The following LSAMP variants were observed in gnomAD, a reference collection of about 807,000 sequenced individuals.
The protein encoded by LSAMP is limbic system-associated membrane protein.
LSAMP carries 7 observed loss-of-function variants against 38.6 expected under a neutral mutation model. The observed-to-expected ratio is 0.18, with a 90% CI of 0.10 to 0.34. The LOEUF is 0.34. Among genes scored for constraint, LSAMP ranks in the 10% least tolerant of loss-of-function variants. The probability of loss-of-function intolerance (pLI) is 1.00; values close to 1 mark genes in which losing one functional copy is unlikely to be tolerated. For missense variants in LSAMP, 313 were observed against 420.0 expected (o/e 0.75, Z 2.23); for synonymous variants, 154 against 166.8 (o/e 0.92, Z 0.59).
intron 1 of LSAMP, among the ~76,000 whole-genome samples, chr3:116,222,720 C>CT (rs71141863): frequency 0.013 from 645 of 49,928 alleles, 165 homozygotes; most frequent in Non-Finnish European, 0.018. Flanking sequence ...TCATCCTCTC[C>CT]TTTTTTTTTT....
At chr3:116,131,043 T>G (rs1402320106) in intron 1 of LSAMP, among the ~76,000 whole-genome samples, 1 of 142,964 alleles carries the variant, frequency 7.0e-6, no homozygotes, top group Non-Finnish European at 1.5e-5. Flanking sequence ...CAGGCTGGAG[T>G]GCAGTGGCAC....
At chr3:116,195,728 A>AC (rs1710868631) in intron 1 of LSAMP, among the ~76,000 whole-genome samples, 1 of 151,800 alleles carries the variant, frequency 6.6e-6, no homozygotes, top group South Asian at 2.1e-4. Flanking sequence ...GAAAAAAAAA[A>AC]AACATTTAAA....
intron 1 of LSAMP, among the ~76,000 whole-genome samples, chr3:116,142,692 C>T (rs1709396926): frequency 6.6e-6 from 1 of 152,002 alleles, no homozygotes; most frequent in African/African-American, 2.4e-5. Flanking sequence ...ATCCTCTCAT[C>T]ATTTTAGTCA....
chr3:116,249,245 C>G (rs74869991), intron 1 of LSAMP, among the ~76,000 whole-genome samples: 7,066 of 151,930 alleles, frequency 0.047, 516 homozygotes, highest in African/African-American at 0.16. Context: ...AAATAATATC[C>G]CCTAATTTCA....
chr3:116,184,099 T>A (rs1337823095), intron 1 of LSAMP, among the ~76,000 whole-genome samples: 1 of 151,870 alleles, frequency 6.6e-6, no homozygotes, highest in Admixed American at 6.6e-5. Flanking sequence ...GGGAGACTCA[T>A]TAAAAGACCA....
chr3:116,353,333 C>T (rs1375485076), intron 1 of LSAMP, among the ~76,000 whole-genome samples: 2 of 152,074 alleles, frequency 1.3e-5, no homozygotes, highest in Non-Finnish European at 2.9e-5. Flanking sequence ...TTAACTCTGG[C>T]TAGTTCTGCA....
At chr3:116,136,403 G>A (rs1375287315) in intron 1 of LSAMP, among the ~76,000 whole-genome samples, 8 of 152,008 alleles carry the variant, frequency 5.3e-5, no homozygotes, top group Non-Finnish European at 1.0e-4. Flanking sequence ...GTCAACCCAG[G>A]CATCATAAAA....
intron 2 of LSAMP, among the ~76,000 whole-genome samples, chr3:116,059,028 G>C (rs1026329508): frequency 3.3e-5 from 5 of 151,948 alleles, no homozygotes; most frequent in African/African-American, 1.2e-4. Flanking sequence ...ATAAAGGGCT[G>C]TGACACATTC....
intron 1 of LSAMP, among the ~76,000 whole-genome samples, chr3:116,285,830 C>A (rs1031993796): frequency 9.2e-5 from 14 of 152,032 alleles, no homozygotes; most frequent in Admixed American, 7.9e-4. Flanking sequence ...GTTGTAAAAC[C>A]CTTAAAAGGG....
intron 3 of LSAMP, among the ~76,000 whole-genome samples, chr3:115,991,302 T>A (rs912431371): frequency 6.6e-6 from 1 of 152,096 alleles, no homozygotes; most frequent in Non-Finnish European, 1.5e-5. Context: ...CTACAGTATG[T>A]AGATTTTACT....
chr3:116,399,890 AG>A (rs951095421), intron 1 of LSAMP, among the ~76,000 whole-genome samples: 2 of 152,182 alleles, frequency 1.3e-5, no homozygotes, highest in Non-Finnish European at 2.9e-5. Context: ...ACACAGCAAG[AG>A]ACTGTATTCA....
At chr3:115,859,279 A>G (rs184013372) in intron 3 of LSAMP, among the ~76,000 whole-genome samples, 1 of 152,290 alleles carries the variant, frequency 6.6e-6, no homozygotes, top group Non-Finnish European at 1.5e-5. Flanking sequence ...GAAGGGGTAG[A>G]TGCAGTCGTC....
intron 3 of LSAMP, among the ~76,000 whole-genome samples, chr3:115,960,987 C>T (rs139324126): frequency 2.6e-5 from 4 of 152,306 alleles, no homozygotes; most frequent in South Asian, 2.1e-4. Context: ...TCCTCCCACA[C>T]GCCCAACTTG....
intron 1 of LSAMP, among the ~76,000 whole-genome samples, chr3:116,425,234 C>G (rs1032108428): frequency 2.6e-5 from 4 of 152,064 alleles, no homozygotes; most frequent in Non-Finnish European, 4.4e-5. Context: ...TTTCATTGAC[C>G]CTTCATGTTT....
At chr3:116,113,064 CAG>C (rs1167988113) in intron 1 of LSAMP, among the ~76,000 whole-genome samples, 5 of 151,300 alleles carry the variant, frequency 3.3e-5, no homozygotes, top group African/African-American at 1.2e-4. Flanking sequence ...AAATATGAGG[CAG>C]AGAGAAGGAT....
intron 2 of LSAMP, among the ~76,000 whole-genome samples, chr3:116,075,810 G>T (rs1297695194): frequency 6.6e-6 from 1 of 151,992 alleles, no homozygotes; most frequent in Admixed American, 6.6e-5. Flanking sequence ...CAAAGTGTTG[G>T]GATTACAAGT....
chr3:116,340,838 C>G (rs1370668148), intron 1 of LSAMP, among the ~76,000 whole-genome samples: 2 of 152,004 alleles, frequency 1.3e-5, no homozygotes, highest in East Asian at 3.9e-4. Context: ...TTCTACTTCT[C>G]CGTGTCTAGA....
In LSAMP at chr3:115,807,012, T is replaced by C. The variant is rs1933645616; in HGVS notation, c.*3305A>G. 6.6e-6 allele frequency: 1 copy of C among 152,202 alleles called. No homozygotes were observed. The highest frequency in any genetic ancestry group is 2.4e-5 in the African/African-American group (1 of 41,440). The allele number at this position is 152,202 out of a possible 1,614,324, so 9.4% of individuals were successfully genotyped here. A position where few individuals can be genotyped will look rare whatever the true frequency, so the allele number is the denominator to read the frequency against. On this transcript the variant is annotated 3_prime_UTR_variant, in exon 7 of 7. Transcript: ENST00000490035. ...GTTTTACTTTGTATACAAAGGATAT[T>C]AAATATATTAGCCACTCAGATTAAT...
intron 3 of LSAMP, among the ~76,000 whole-genome samples, chr3:115,880,986 C>T (rs986821332): frequency 2.0e-5 from 3 of 151,002 alleles, no homozygotes; most frequent in Admixed American, 6.6e-5. Flanking sequence ...TGCAGTGAAC[C>T]GATTGTGCCA....
Sources: allele counts gnomAD v4.1 joint callset (sites outside exome capture counted in the v4.1 genomes callset), GRCh38; gene constraint gnomAD v4.1.1; transcripts MANE v1.5; gene names NCBI Gene and HGNC (gene_info 2026-07-23, HGNC 2026-07-21).